Variants in TAFA4 observed in about 807,000 individuals in gnomAD.
TAFA4 encodes TAFA chemokine like family member 4.
In TAFA4, 20 loss-of-function variants were observed where a neutral mutation model predicts 21.1. The observed-to-expected ratio is 0.95, with a 90% CI of 0.67 to 1.38. The LOEUF is 1.38. Ranked by LOEUF, TAFA4 falls within the 40% of genes most tolerant of loss-of-function variation. The pLI is 0.00. For missense variants in TAFA4, 211 were observed against 180.9 expected (o/e 1.17, Z -0.95); for synonymous variants, 71 against 67.4 (o/e 1.05, Z -0.26).
At chr3:68,733,558 G>T (rs1702189744) in intron 5 of TAFA4, among the ~76,000 whole-genome samples, 1 of 152,046 alleles carries the variant, frequency 6.6e-6, no homozygotes, top group African/African-American at 2.4e-5. Flanking sequence ...TATTTTTTAT[G>T]CAGTTAACTT....
intron 1 of TAFA4, among the ~76,000 whole-genome samples, chr3:68,886,352 C>T (rs114589363): frequency 0.018 from 2,688 of 152,242 alleles, 87 homozygotes; most frequent in African/African-American, 0.061. Context: ...GCTGTATAAA[C>T]ACAAGTTGCT....
chr3:68,874,088 A>G (rs988879977), intron 3 of TAFA4, among the ~76,000 whole-genome samples: 2 of 152,014 alleles, frequency 1.3e-5, no homozygotes, highest in South Asian at 4.2e-4. Context: ...CCCAACAGCT[A>G]AGAAAAAAAC....
chr3:68,925,927 GT>G (rs1559565567), intron 1 of TAFA4, among the ~76,000 whole-genome samples: 1 of 152,114 alleles, frequency 6.6e-6, no homozygotes, highest in East Asian at 1.9e-4. Context: ...TATGAACCCC[GT>G]TATTCAAAAT....
rs144707414 is a variant in TAFA4, at chr3:68,732,071, A to T, written c.*1071T>A. 1.3e-3 allele frequency: 193 copies of T among 152,716 alleles called. No homozygotes were observed. Among genetic ancestry groups the T allele is most frequent in the African/African-American group, 4.2e-3 (176 of 41,570 alleles). 9.5% of individuals were successfully genotyped at this position (152,716 alleles called of 1,614,324 possible). ...CTAAAATCTGGGTCAGTCATTCTTC[A>T]TCTGTTTCATACGTTTCCGCATGAC... On this transcript the variant is annotated 3_prime_UTR_variant, in exon 6 of 6. Transcript: ENST00000295569.
At chr3:68,779,218 T>A (rs1703105701) in intron 3 of TAFA4, among the ~76,000 whole-genome samples, 1 of 151,986 alleles carries the variant, frequency 6.6e-6, no homozygotes, top group Admixed American at 6.5e-5. Flanking sequence ...ATTAAGGAGG[T>A]GACTTGGGTG....
chr3:68,733,151 T>G lies in TAFA4; in HGVS notation c.414A>C (p.Val138=). The part of the protein sequence containing the change: ...SSGNKVKTTK[V]TR ...CACACCTCTCTCTTCGCTACCGCGT[T>G]ACCTAAAACAAATCAAAATAAGGGA... The change falls in exon 6 of 6, where the codon GTA becomes GTC. Residue 138 remains valine, a splice_region_variant and synonymous_variant. Transcript: ENST00000295569. 1 of 1,613,148 alleles carries G rather than the reference T, an allele frequency of 6.2e-7. No homozygotes were observed. The highest frequency in any genetic ancestry group is 8.5e-7 in the Non-Finnish European group (1 of 1,179,400).
intron 3 of TAFA4, among the ~76,000 whole-genome samples, chr3:68,779,038 G>T (rs1329346844): frequency 6.6e-6 from 1 of 152,218 alleles, no homozygotes; most frequent in African/African-American, 2.4e-5. Flanking sequence ...GGTTGAGGTG[G>T]TCTCAGATGG....
intron 3 of TAFA4, among the ~76,000 whole-genome samples, chr3:68,768,755 G>A (rs973759540): frequency 3.9e-5 from 6 of 152,094 alleles, no homozygotes; most frequent in South Asian, 2.1e-4. Flanking sequence ...CATACTATCG[G>A]GTCATTTAAA....
At chr3:68,773,502 C>T (rs1024161006) in intron 3 of TAFA4, among the ~76,000 whole-genome samples, 9 of 152,166 alleles carry the variant, frequency 5.9e-5, no homozygotes, top group African/African-American at 2.2e-4. Flanking sequence ...TGTGACTAAA[C>T]CCAATCTCCA....
At chr3:68,762,201 A>AT (rs1195136534) in intron 3 of TAFA4, among the ~76,000 whole-genome samples, 2 of 121,458 alleles carry the variant, frequency 1.6e-5, no homozygotes, top group African/African-American at 6.4e-5. Context: ...GGTGGCCTTA[A>AT]TTTAAAAAAA....
chr3:68,865,733 C>T (rs2089407808), intron 3 of TAFA4, among the ~76,000 whole-genome samples: 1 of 152,124 alleles, frequency 6.6e-6, no homozygotes, highest in Non-Finnish European at 1.5e-5. Context: ...CTGCTTCAAA[C>T]TCCAGTCCTC....
intron 1 of TAFA4, among the ~76,000 whole-genome samples, chr3:68,900,239 CTTAATAATAATA>C (rs2089831081): frequency 8.7e-6 from 1 of 114,660 alleles, no homozygotes; most frequent in Admixed American, 1.0e-4. Flanking sequence ...GAGACTCTCT[CTTAATAATAATA>C]ATAATAATAA....
At chr3:68,865,358 T>C (rs6766893) in intron 3 of TAFA4, among the ~76,000 whole-genome samples, 105,720 of 151,724 alleles carry the variant, frequency 0.7, 37,436 homozygotes, top group East Asian at 0.98. Flanking sequence ...TGAATTGTAG[T>C]TCCCATAATC....
At chr3:68,748,215 G>C (rs752645548) in intron 4 of TAFA4, among the ~76,000 whole-genome samples, 1 of 152,230 alleles carries the variant, frequency 6.6e-6, no homozygotes, top group Non-Finnish European at 1.5e-5. Context: ...AATGATGAAT[G>C]AACCAACGTA....
At chr3:68,910,012 T>A (rs7643823) in intron 1 of TAFA4, among the ~76,000 whole-genome samples, 12 of 152,118 alleles carry the variant, frequency 7.9e-5, no homozygotes, top group Non-Finnish European at 1.8e-4. Context: ...GGGTTTTTGC[T>A]GGCTCTAAGC....
intron 4 of TAFA4, 115 bp downstream of exon 4, chr3:68,752,748 C>G: frequency 7.8e-7 from 1 of 1,277,034 alleles, no homozygotes; most frequent in Non-Finnish European, 1.1e-6. Context: ...TGGATTGACA[C>G]TGATCTCAAA....
chr3:68,920,814 C>T (rs1032224214), intron 1 of TAFA4, among the ~76,000 whole-genome samples: 2 of 151,878 alleles, frequency 1.3e-5, no homozygotes, highest in Non-Finnish European at 2.9e-5. Flanking sequence ...CCCACACATG[C>T]CATGTTCTAC....
At chr3:68,822,872 A>G (rs1371771815) in intron 3 of TAFA4, among the ~76,000 whole-genome samples, 1 of 152,186 alleles carries the variant, frequency 6.6e-6, no homozygotes. Flanking sequence ...AAAATTGTTT[A>G]TTTGCTAACT....
At chr3:68,868,658 A>G (rs1011414980) in intron 3 of TAFA4, among the ~76,000 whole-genome samples, 6 of 152,074 alleles carry the variant, frequency 3.9e-5, no homozygotes, top group African/African-American at 1.4e-4. Context: ...TCAATGGGAA[A>G]ATGAAGCAAG....
Sources: allele counts gnomAD v4.1 joint callset (sites outside exome capture counted in the v4.1 genomes callset), GRCh38; gene constraint gnomAD v4.1.1; transcripts MANE v1.5; gene names NCBI Gene and HGNC (gene_info 2026-07-23, HGNC 2026-07-21).